TBC1D22B: variants seen among roughly 807,000 people sequenced by gnomAD.
TBC1D22B encodes the protein chromosome 6 open reading frame 197.
Under a neutral mutation model 69.1 loss-of-function variants are expected in TBC1D22B, and 32 were observed. The ratio of observed to expected loss-of-function variants is 0.46; its 90% CI spans 0.35 to 0.62. The LOEUF (loss-of-function observed/expected upper bound fraction) is 0.62. Among genes scored for constraint, TBC1D22B ranks in the 20% least tolerant of loss-of-function variants. The pLI, the probability that TBC1D22B is intolerant of heterozygous loss-of-function variation, is 0.00. For synonymous variants in TBC1D22B, 206 were observed against 229.8 expected, an observed-to-expected ratio of 0.90 and a Z score of 0.94; for missense variants, 462 against 630.9, an observed-to-expected ratio of 0.73 and a Z score of 2.87.
intron 8 of TBC1D22B, among the ~76,000 whole-genome samples, chr6:37,304,430 G>A (rs2113769840): frequency 6.6e-6 from 1 of 152,270 alleles, no homozygotes; most frequent in South Asian, 2.1e-4. Context: ...ATACCACAGA[G>A]CAGTACTCAG....
chr6:37,285,160 TCTG>T (rs61414951), intron 6 of TBC1D22B, among the ~76,000 whole-genome samples: 1 of 151,518 alleles, frequency 6.6e-6, no homozygotes, highest in Non-Finnish European at 1.5e-5. Context: ...TGAAGTAGCC[TCTG>T]CTGCTGCTGC....
intron 1 of TBC1D22B, among the ~76,000 whole-genome samples, chr6:37,266,075 G>A (rs1026742221): frequency 7.9e-5 from 12 of 152,118 alleles, no homozygotes; most frequent in Admixed American, 7.2e-4. Flanking sequence ...CATTAAATTA[G>A]CATTACCACC....
At chr6:37,310,199 T>A (rs928830958) in intron 8 of TBC1D22B, among the ~76,000 whole-genome samples, 4 of 146,824 alleles carry the variant, frequency 2.7e-5, no homozygotes, top group Non-Finnish European at 6.0e-5. Flanking sequence ...CTACCATATA[T>A]AAGAAAACAA....
At chr6:37,285,434 C>T (rs1419229767) in intron 6 of TBC1D22B, among the ~76,000 whole-genome samples, 1 of 139,272 alleles carries the variant, frequency 7.2e-6, no homozygotes, top group East Asian at 2.3e-4. Flanking sequence ...AGGTGATTCT[C>T]CTGCCTCGGC....
intron 8 of TBC1D22B, among the ~76,000 whole-genome samples, chr6:37,309,599 A>G (rs1163965635): frequency 6.6e-6 from 1 of 152,068 alleles, no homozygotes; most frequent in Non-Finnish European, 1.5e-5. Context: ...CCTAGGATGG[A>G]TTAGAAGTCA....
intron 5 of TBC1D22B, among the ~76,000 whole-genome samples, 168 bp downstream of exon 5, chr6:37,283,120 C>T (rs1466962664): frequency 6.6e-6 from 1 of 152,212 alleles, no homozygotes; most frequent in Admixed American, 6.5e-5. Flanking sequence ...GAAATACATT[C>T]TTGAGAGTTT....
chr6:37,330,317 C>A (rs1363208771), intron 12 of TBC1D22B, among the ~76,000 whole-genome samples: 1 of 145,092 alleles, frequency 6.9e-6, no homozygotes, highest in South Asian at 2.2e-4. Flanking sequence ...GGGCTCCCTG[C>A]AACCTCCGCC....
intron 12 of TBC1D22B, among the ~76,000 whole-genome samples, chr6:37,325,589 G>A (rs186798220): frequency 1.6e-4 from 22 of 141,310 alleles, no homozygotes; most frequent in Admixed American, 4.4e-4. Context: ...TCACTGTGTC[G>A]CCCAGGCTGG....
chr6:37,279,839 C>T (rs1206773222), intron 3 of TBC1D22B, among the ~76,000 whole-genome samples: 1 of 152,196 alleles, frequency 6.6e-6, no homozygotes, highest in Non-Finnish European at 1.5e-5. Flanking sequence ...TCTCTGACAC[C>T]CAGGTGTTGT....
rs1768588749 is a variant in TBC1D22B, at chr6:37,331,763, T to C, written c.*591T>C. 6.5e-6 allele frequency: 1 copy of C among 152,842 alleles called. No individual in the cohort carries two copies. The highest frequency in any genetic ancestry group is 1.5e-5 in the Non-Finnish European group (1 of 68,234). 9.5% of individuals were successfully genotyped at this position (152,842 alleles called of 1,614,324 possible). A position where few individuals can be genotyped will look rare whatever the true frequency, so the allele number is the denominator to read the frequency against. On this transcript the variant is annotated 3_prime_UTR_variant, in exon 13 of 13. Coordinates refer to ENST00000373491, the MANE Select transcript of TBC1D22B (RefSeq NM_017772.4). ...GCTAGGAATTTTATTTTTCCTTTTC[T>C]CACCAGGTGTCTGCATGTGTGTGTG... is the stretch of plus-strand genomic sequence containing the variant.
chr6:37,284,635 T>G (rs1007052100), intron 6 of TBC1D22B, among the ~76,000 whole-genome samples, 171 bp downstream of exon 6: 3 of 152,216 alleles, frequency 2.0e-5, no homozygotes, highest in African/African-American at 7.2e-5. Context: ...CAACTCTGAT[T>G]TTAGCCATTT....
At chr6:37,281,448 A>G (rs1766825982) in intron 3 of TBC1D22B, among the ~76,000 whole-genome samples, 1 of 152,232 alleles carries the variant, frequency 6.6e-6, no homozygotes, top group East Asian at 1.9e-4. Context: ...TTTCAGTCAT[A>G]TCTTGGCAGA....
chr6:37,279,528 G>A lies in TBC1D22B; in HGVS notation c.338G>A (p.Arg113Gln), dbSNP rs769361060. The change falls in exon 3 of 13, where the codon CGG becomes CAG. Residue 113 changes from arginine to glutamine, a missense_variant. Transcript: ENST00000373491. Reference sequence around the variant, plus strand: ...AGCAAGCTGAGAGTAAAACCAGAACGGTCCCAGTCAACGACATCGGACGTC... The same window carrying A: ...AGCAAGCTGAGAGTAAAACCAGAACAGTCCCAGTCAACGACATCGGACGTC... ...NHSKLRVKPE[R>Q]SQSTTSDVPA... The A allele has an allele frequency of 2.0e-5, 33 of 1,614,042 alleles. No homozygotes were observed. The highest frequency in any genetic ancestry group is 2.7e-5 in the Non-Finnish European group (32 of 1,180,036).
At chr6:37,307,707 C>G (rs1159888350) in intron 8 of TBC1D22B, among the ~76,000 whole-genome samples, 1 of 152,106 alleles carries the variant, frequency 6.6e-6, no homozygotes, top group African/African-American at 2.4e-5. Context: ...TCAACAACAA[C>G]AACAACAAGG....
At position 37,282,911 on chromosome 6, in the gene TBC1D22B, G is replaced by T; in HGVS notation, c.631G>T (p.Val211Phe). The change falls in exon 5 of 13, where the codon GTT (valine) becomes TTT (phenylalanine). Residue 211 changes from valine to phenylalanine, a missense_variant. Val to Phe is a conservative substitution (Grantham distance 50). Transcript: ENST00000373491. The part of the protein sequence containing the change: ...DELRKCSWPG[V>F]PREVRPITWR... The stretch of plus-strand genomic sequence containing the variant: ...ACTGAGGAAGTGTAGCTGGCCAGGG[G>T]TTCCCAGGGAGGTTCGACCTATAAC... 1.2e-6 allele frequency: 2 copies of T among 1,614,004 alleles called. No individual in the cohort carries two copies. The highest frequency in any genetic ancestry group is 1.7e-6 in the Non-Finnish European group (2 of 1,179,916).
At chr6:37,289,595 G>C (rs1157052476) in intron 7 of TBC1D22B, among the ~76,000 whole-genome samples, 3 of 152,182 alleles carry the variant, frequency 2.0e-5, no homozygotes, top group East Asian at 3.8e-4. Context: ...CCAAGGATTT[G>C]AGTATTTACA....
chr6:37,312,682 G>A (rs919691250), intron 8 of TBC1D22B, among the ~76,000 whole-genome samples: 1 of 152,224 alleles, frequency 6.6e-6, no homozygotes, highest in Non-Finnish European at 1.5e-5. Context: ...GATGGGACTA[G>A]CATGAGAAAT....
In TBC1D22B at chr6:37,312,974, A is replaced by G; in HGVS notation, c.1039A>G (p.Ile347Val). The G allele has an allele frequency of 6.2e-7, 1 of 1,614,236 alleles. No homozygotes were observed. Among genetic ancestry groups the G allele is most frequent in the Non-Finnish European group, 8.5e-7 (1 of 1,180,032 alleles). ...CTTGTCTCAAGACATGCTGCGAAGC[A>G]TTGAGGCTGACAGCTTTTGGTGCAT... ...TNLSQDMLRS[I>V]EADSFWCMSK... is the part of the protein sequence containing the mutation. The change falls in exon 9 of 13, where the codon ATT becomes GTT. Residue 347 changes from isoleucine to valine, a missense_variant. Transcript: ENST00000373491.
intron 8 of TBC1D22B, among the ~76,000 whole-genome samples, chr6:37,301,395 CT>C (rs533501788): frequency 6.0e-4 from 92 of 152,308 alleles, no homozygotes; most frequent in African/African-American, 1.8e-3. Flanking sequence ...GCCATCACCC[CT>C]AAGCCTCCCA....
Sources: allele counts gnomAD v4.1 joint callset (sites outside exome capture counted in the v4.1 genomes callset), GRCh38; gene constraint gnomAD v4.1.1; transcripts MANE v1.5; gene names NCBI Gene and HGNC (gene_info 2026-07-23, HGNC 2026-07-21).